TUB: variants seen among roughly 807,000 people sequenced by gnomAD.
TUB encodes TUB bipartite transcription factor.
A neutral mutation model predicts 59.7 loss-of-function variants in TUB; 33 were observed. The observed-to-expected ratio is 0.55, with a 90% confidence interval of 0.42 to 0.74. The LOEUF (loss-of-function observed/expected upper bound fraction) is 0.74, where lower values mean the gene tolerates loss of function less well. Ranked by LOEUF, TUB falls within the 30% of genes least tolerant of loss-of-function variation. The probability of loss-of-function intolerance (pLI) is 0.00; values close to 1 mark genes in which losing one functional copy is unlikely to be tolerated. For missense variants in TUB, 659 were observed against 672.0 expected (o/e 0.98, Z 0.21); for synonymous variants, 293 against 256.4 (o/e 1.14, Z -1.36).
chr11:8,022,816 G>A lies in TUB; in HGVS notation c.56+3458G>A, dbSNP rs535233701. On this transcript the variant is annotated intron_variant, in intron 1 of 11. Transcript: ENST00000534099. ...GAGGCAGGAGAATTGCTTGAACCCG[G>A]GAGACGGAGGTTGCAGTCAGTGCAG... is the stretch of plus-strand genomic sequence containing the variant. Among the ~76,000 whole-genome samples, 161 of 152,254 alleles carry A rather than the reference G, an allele frequency of 1.1e-3. 1 individual carries two copies. Among genetic ancestry groups the A allele is most frequent in the African/African-American group, 3.8e-3 (158 of 41,542 alleles).
intron 5 of TUB, among the ~76,000 whole-genome samples, chr11:8,096,064 G>A (rs1360515754): frequency 6.6e-6 from 1 of 152,212 alleles, no homozygotes; most frequent in African/African-American, 2.4e-5. Context: ...GAAGAAGCCT[G>A]GCAGTGCCAC....
intron 1 of TUB, among the ~76,000 whole-genome samples, chr11:8,021,994 GAACTCTTTTCT>G: frequency 6.6e-6 from 1 of 151,850 alleles, no homozygotes; most frequent in Non-Finnish European, 1.5e-5. Context: ...TCTGTCTTCA[GAACTCTTTTCT>G]TCTCACCCTG....
At chr11:8,079,712 G>T (rs1254692279), upstream of TUB, among the ~76,000 whole-genome samples, 1 of 151,908 alleles carries the variant, frequency 6.6e-6, no homozygotes, top group Non-Finnish European at 1.5e-5. Flanking sequence ...ATGTGTGTAG[G>T]GGTGTGTGTG....
intron 9 of TUB, among the ~76,000 whole-genome samples, chr11:8,099,779 C>T (rs2133898532): frequency 6.6e-6 from 1 of 152,168 alleles, no homozygotes; most frequent in Non-Finnish European, 1.5e-5. Context: ...ACTGAGGTAG[C>T]TCTTGAGTAA....
At chr11:8,090,317 C>A in intron 3 of TUB, 86 bp downstream of exon 3, 1 of 1,518,282 alleles carries the variant, frequency 6.6e-7, no homozygotes. Context: ...CGGACTGGTC[C>A]TGACGGGGGA....
upstream of TUB, among the ~76,000 whole-genome samples, chr11:8,037,757 C>T (rs781051157): frequency 4.6e-5 from 7 of 152,138 alleles, no homozygotes; most frequent in Admixed American, 1.3e-4. Flanking sequence ...GCAGGATCAT[C>T]GGGCGGACTA....
At chr11:8,059,023 C>G (rs779509636) in intron 2 of TUB, among the ~76,000 whole-genome samples, 1 of 152,180 alleles carries the variant, frequency 6.6e-6, no homozygotes, top group Non-Finnish European at 1.5e-5. Context: ...CGTAGGCCCT[C>G]CATTACACAT....
upstream of TUB, among the ~76,000 whole-genome samples, chr11:8,038,278 A>G (rs1041797038): frequency 6.6e-5 from 10 of 152,124 alleles, no homozygotes; most frequent in Non-Finnish European, 1.2e-4. Context: ...TCAATGTAAG[A>G]GTTGTGGGAG....
intron 1 of TUB, among the ~76,000 whole-genome samples, chr11:8,032,556 C>T (rs1489397682): frequency 6.6e-6 from 1 of 152,192 alleles, no homozygotes; most frequent in Non-Finnish European, 1.5e-5. Context: ...CAGATCTGGC[C>T]CTTCAAGAAA....
At chr11:8,036,779 G>A (rs138011349), upstream of TUB, among the ~76,000 whole-genome samples, 909 of 152,292 alleles carry the variant, frequency 6.0e-3, 6 homozygotes, top group Non-Finnish European at 7.1e-3. Flanking sequence ...ATCTTTCCCC[G>A]GTTGTCCTCC....
chr11:8,075,443 T>C (rs1943434412), intron 2 of TUB: 2 of 152,196 alleles, frequency 1.3e-5, no homozygotes, highest in Non-Finnish European at 2.9e-5. Context: ...AAAATGGGGA[T>C]TATAATAGTA....
At chr11:8,019,457 C>T (rs1275093818) in intron 1 of TUB, 4 of 1,186,346 alleles carry the variant, frequency 3.4e-6, no homozygotes, top group African/African-American at 3.2e-5. Context: ...CGCGAGCGCC[C>T]GACCCCCAGG....
chr11:8,096,641 A>AG, intron 5 of TUB, 44 bp from the exon 6 acceptor site: 1 of 1,331,896 alleles, frequency 7.5e-7, no homozygotes, highest in Non-Finnish European at 1.1e-6. Flanking sequence ...GGGGCAGCGT[A>AG]GACTTCTCCT....
At chr11:8,049,464 A>C (rs953632227) in intron 2 of TUB, among the ~76,000 whole-genome samples, 3 of 152,006 alleles carry the variant, frequency 2.0e-5, no homozygotes, top group African/African-American at 7.3e-5. Flanking sequence ...GCCGAGGCCC[A>C]GCAAAGAGAC....
At position 8,049,582 on chromosome 11, in the gene TUB, G is replaced by GATATATAT. The variant is rs1564902564; in HGVS notation, c.203+9893_203+9894insTATATATA. ...TGTGGTATATATATATATATATATA[G>GATATATAT]ATAGATAGATAGATAGATAGATACA... is the stretch of plus-strand genomic sequence containing the variant. On this transcript the variant is annotated intron_variant, in intron 2 of 12. Coordinates refer to the TUB transcript ENST00000305253. Among the ~76,000 whole-genome samples, 632 of 67,484 alleles carry GATATATAT rather than the reference G, an allele frequency of 9.4e-3. 10 individuals carry two copies. The highest frequency in any genetic ancestry group is 0.028 in the African/African-American group (596 of 21,048). The allele number at this position is 67,484 out of a possible 152,430, so 44.3% of individuals were successfully genotyped here. A position where few individuals can be genotyped will look rare whatever the true frequency, so the allele number is the denominator to read the frequency against.
upstream of TUB, among the ~76,000 whole-genome samples, chr11:8,037,139 A>C (rs2133723303): frequency 6.6e-6 from 1 of 152,314 alleles, no homozygotes; most frequent in East Asian, 1.9e-4. Context: ...GCACACGTCC[A>C]CTTCCCCACC....
chr11:8,025,021 C>T (rs1942481532), intron 1 of TUB, among the ~76,000 whole-genome samples: 1 of 152,070 alleles, frequency 6.6e-6, no homozygotes, highest in African/African-American at 2.4e-5. Context: ...TAAGGTGGGT[C>T]CATTCACTCA....
intron 2 of TUB, among the ~76,000 whole-genome samples, chr11:8,069,537 ATG>A (rs1014817457): frequency 1.3e-5 from 2 of 151,922 alleles, no homozygotes; most frequent in Non-Finnish European, 1.5e-5. Context: ...GTTGTTGCAG[ATG>A]TGTATTTTCC....
chr11:8,060,049 A>C (rs1241470859), intron 2 of TUB: 2 of 152,490 alleles, frequency 1.3e-5, no homozygotes, highest in African/African-American at 4.8e-5. Context: ...CATTGCCAGA[A>C]AACAGGAGGA....
Sources: allele counts gnomAD v4.1 joint callset (sites outside exome capture counted in the v4.1 genomes callset), GRCh38; gene constraint gnomAD v4.1.1; transcripts MANE v1.5; gene names NCBI Gene and HGNC (gene_info 2026-07-23, HGNC 2026-07-21).